The following RASAL2 variants were observed in gnomAD, a reference collection of about 807,000 sequenced individuals.
RASAL2 encodes the protein ras GTPase-activating protein nGAP.
Under a neutral mutation model 128.9 loss-of-function variants are expected in RASAL2, and 58 were observed. The ratio of observed to expected loss-of-function variants is 0.45; its 90% confidence interval spans 0.36 to 0.56. The LOEUF (loss-of-function observed/expected upper bound fraction) is 0.56, where lower values mean the gene tolerates loss of function less well. Among genes scored for constraint, RASAL2 ranks in the 20% least tolerant of loss-of-function variants. The pLI is 0.00. For synonymous variants in RASAL2, 561 were observed against 580.8 expected (o/e 0.97, Z 0.49); for missense variants, 1,360 against 1,601.6 (o/e 0.85, Z 2.57).
At chr1:178,189,173 T>C (rs1328134648) in intron 1 of RASAL2, among the ~76,000 whole-genome samples, 8 of 152,238 alleles carry the variant, frequency 5.3e-5, no homozygotes, top group Non-Finnish European at 1.2e-4. Flanking sequence ...CTAATCATTA[T>C]GGCATAAAAT....
At chr1:178,173,364 T>A (rs1268104293) in intron 1 of RASAL2, among the ~76,000 whole-genome samples, 2 of 152,076 alleles carry the variant, frequency 1.3e-5, no homozygotes, top group Admixed American at 1.3e-4. Context: ...GCCTTTGTCA[T>A]AGAATGCACA....
At chr1:178,321,852 G>A (rs904464092) in intron 3 of RASAL2, among the ~76,000 whole-genome samples, 1 of 151,904 alleles carries the variant, frequency 6.6e-6, no homozygotes, top group East Asian at 1.9e-4. Context: ...GCTGGGTGAG[G>A]TGGTGCATGT....
chr1:178,267,291 C>G (rs1303844848), intron 1 of RASAL2, among the ~76,000 whole-genome samples: 1 of 151,962 alleles, frequency 6.6e-6, no homozygotes, highest in Non-Finnish European at 1.5e-5. Context: ...CTTTTTTATT[C>G]ATCCATTTTA....
chr1:178,205,053 G>A (rs1449214488), intron 1 of RASAL2, among the ~76,000 whole-genome samples: 1 of 152,192 alleles, frequency 6.6e-6, no homozygotes, highest in Non-Finnish European at 1.5e-5. Flanking sequence ...CGCCCAGGCT[G>A]GAGTACAGTG....
At chr1:178,225,530 T>A (rs1477226182) in intron 1 of RASAL2, among the ~76,000 whole-genome samples, 1 of 152,032 alleles carries the variant, frequency 6.6e-6, no homozygotes. Flanking sequence ...TTCTTGTCAC[T>A]GTTATGAATG....
intron 5 of RASAL2, among the ~76,000 whole-genome samples, chr1:178,432,322 A>G (rs1675966410): frequency 6.6e-6 from 1 of 151,970 alleles, no homozygotes; most frequent in African/African-American, 2.4e-5. Context: ...AAAGTCTCCA[A>G]TTACCTCTAA....
intron 3 of RASAL2, among the ~76,000 whole-genome samples, chr1:178,324,737 C>T (rs879384263): frequency 2.6e-5 from 4 of 152,102 alleles, no homozygotes; most frequent in East Asian, 1.9e-4. Flanking sequence ...GCATATGGCT[C>T]TCTTTTTAGG....
chr1:178,453,461 T>A (rs1025327771), intron 11 of RASAL2, among the ~76,000 whole-genome samples: 13 of 151,846 alleles, frequency 8.6e-5, no homozygotes, highest in African/African-American at 2.9e-4. Flanking sequence ...ATATAACAGT[T>A]GGTTATTGTA....
chr1:178,127,917 T>A (rs2102293345), intron 1 of RASAL2, among the ~76,000 whole-genome samples: 1 of 152,200 alleles, frequency 6.6e-6, no homozygotes, highest in Non-Finnish European at 1.5e-5. Flanking sequence ...TGCCTCTAAA[T>A]ATAAAAAATT....
chr1:178,288,061 G>T (rs965343313), intron 2 of RASAL2, among the ~76,000 whole-genome samples: 1 of 152,136 alleles, frequency 6.6e-6, no homozygotes, highest in African/African-American at 2.4e-5. Context: ...ATTCAGTTAA[G>T]TATGTTCAGC....
intron 1 of RASAL2, among the ~76,000 whole-genome samples, chr1:178,133,732 C>T (rs1005297484): frequency 1.3e-5 from 2 of 152,130 alleles, no homozygotes; most frequent in African/African-American, 4.8e-5. Flanking sequence ...GGGAATCCCC[C>T]TGAGGTTTAA....
chr1:178,104,241 G>A (rs933490468), intron 1 of RASAL2, among the ~76,000 whole-genome samples: 6 of 151,902 alleles, frequency 3.9e-5, no homozygotes, highest in East Asian at 1.9e-4. Context: ...CAGCTTTTTC[G>A]CACTGATTTA....
chr1:178,161,779 T>A (rs1426578620), intron 1 of RASAL2, among the ~76,000 whole-genome samples: 1 of 152,040 alleles, frequency 6.6e-6, no homozygotes, highest in Non-Finnish European at 1.5e-5. Context: ...TTTTTTATTA[T>A]AGCCTTCCTA....
intron 1 of RASAL2, among the ~76,000 whole-genome samples, chr1:178,265,530 A>C (rs1448206985): frequency 6.6e-6 from 1 of 152,228 alleles, no homozygotes. Context: ...AAACTCCCTA[A>C]AAGAGTAGGT....
Position 178,458,027 on chromosome 1 carries a change from A to G in RASAL2, c.2735A>G (p.Asn912Ser). The stretch of plus-strand genomic sequence containing the variant: ...AGAAGGCCCCTGCACCCAGCCTTGA[A>G]CCAGCCAGGTGGCCTTCAGCCCTTG... ...QVRRPLHPAL[N>S]QPGGLQPLSF... The change falls in exon 14 of 18, where the codon AAC (asparagine) becomes AGC (serine). Residue 912 changes from asparagine to serine, a missense_variant. Physicochemically the swap from Asn to Ser is conservative, Grantham distance 46 (BLOSUM62 1). This residue lies in a region of RASAL2 where 741 missense variants were observed against 868.6 expected (regional missense o/e 0.85). Transcript: ENST00000367649. 1 of 1,614,140 alleles carries G rather than the reference A, an allele frequency of 6.2e-7. No individual in the cohort carries two copies. The highest frequency in any genetic ancestry group is 8.5e-7 in the Non-Finnish European group (1 of 1,180,026).
chr1:178,347,756 C>G (rs867152545), intron 3 of RASAL2, among the ~76,000 whole-genome samples: 34 of 152,244 alleles, frequency 2.2e-4, no homozygotes, highest in African/African-American at 7.0e-4. Flanking sequence ...GACAATATCT[C>G]CTAAAGCTGA....
At chr1:178,318,557 T>G (rs1668599405) in intron 3 of RASAL2, among the ~76,000 whole-genome samples, 2 of 150,100 alleles carry the variant, frequency 1.3e-5, no homozygotes, top group Admixed American at 1.3e-4. Flanking sequence ...ATGGCCTTCT[T>G]TGTCTCTTTT....
chr1:178,447,234 A>C (rs1039916949), intron 9 of RASAL2, among the ~76,000 whole-genome samples: 2 of 151,578 alleles, frequency 1.3e-5, no homozygotes, highest in Admixed American at 1.3e-4. Flanking sequence ...AGGTAAGAGA[A>C]CTGCTTGAGC....
rs141350410 is a variant in RASAL2, at chr1:178,263,922, T to C, written c.203-19642T>C. Among the ~76,000 whole-genome samples, 7 of 152,308 alleles carry C rather than the reference T, an allele frequency of 4.6e-5. 1 individual carries two copies. The East Asian group carries it at 1.2e-3, about 25-fold the overall frequency. ...TATTGAGTTGTGTTAAACAACTCCA[T>C]AGGAATTCTAGCAGAGGTCAGCGTG... On this transcript the variant is annotated intron_variant, in intron 1 of 17. Transcript: ENST00000367649.
Sources: allele counts gnomAD v4.1 joint callset (sites outside exome capture counted in the v4.1 genomes callset), GRCh38; gene constraint gnomAD v4.1.1; regional missense constraint gnomAD v4.1.1; transcripts MANE v1.5; gene names NCBI Gene and HGNC (gene_info 2026-07-23, HGNC 2026-07-21).